Variants in USP34 observed in about 807,000 individuals in gnomAD.
USP34 encodes the protein ubiquitin carboxyl-terminal hydrolase 34.
A neutral mutation model predicts 460.3 loss-of-function variants in USP34; 70 were observed. The observed-to-expected ratio is 0.15, with a 90% confidence interval of 0.13 to 0.19. The LOEUF (loss-of-function observed/expected upper bound fraction) is 0.19. Among genes scored for constraint, USP34 ranks in the 10% least tolerant of loss-of-function variants. The pLI, the probability that USP34 is intolerant of heterozygous loss-of-function variation, is 1.00. For synonymous variants in USP34, 1,647 were observed against 1,405.3 expected (o/e 1.17, Z -3.85); for missense variants, 3,985 against 4,236.2 (o/e 0.94, Z 1.65).
intron 1 of USP34, among the ~76,000 whole-genome samples, chr2:61,465,774 G>C (rs1375512235): frequency 6.6e-6 from 1 of 151,788 alleles, no homozygotes; most frequent in Non-Finnish European, 1.5e-5. Flanking sequence ...TCAAGAGATC[G>C]AGACCATCCT....
chr2:61,306,928 C>G (rs1029050086), intron 27 of USP34, among the ~76,000 whole-genome samples: 6 of 152,120 alleles, frequency 3.9e-5, no homozygotes, highest in African/African-American at 1.4e-4. Context: ...GGATCTAGAA[C>G]TAGAAATACC....
intron 49 of USP34, among the ~76,000 whole-genome samples, chr2:61,247,735 T>G (rs1186653604): frequency 6.6e-6 from 1 of 152,188 alleles, no homozygotes; most frequent in African/African-American, 2.4e-5. Context: ...AAGTAGAATG[T>G]ATACATACAA....
intron 57 of USP34, among the ~76,000 whole-genome samples, chr2:61,233,722 G>A (rs1299286954): frequency 6.6e-6 from 1 of 152,036 alleles, no homozygotes; most frequent in Non-Finnish European, 1.5e-5. Context: ...CTACTCGGGA[G>A]GCTGAGGGAG....
chr2:61,451,774 G>A (rs1695285072), intron 1 of USP34, among the ~76,000 whole-genome samples: 1 of 151,772 alleles, frequency 6.6e-6, no homozygotes, highest in South Asian at 2.1e-4. Context: ...AAATCACTAA[G>A]TCATTGTTCA....
chr2:61,403,164 G>C (rs2103926764), intron 3 of USP34, among the ~76,000 whole-genome samples: 1 of 152,220 alleles, frequency 6.6e-6, no homozygotes. Context: ...AAAAACCACT[G>C]CTTTCAACCA....
intron 2 of USP34, among the ~76,000 whole-genome samples, chr2:61,419,990 A>G (rs971363465): frequency 6.6e-6 from 1 of 152,222 alleles, no homozygotes; most frequent in African/African-American, 2.4e-5. Context: ...GGAAAAAAGG[A>G]TATTACCATA....
chr2:61,208,585 A>C (rs193087045), intron 70 of USP34: 46 of 165,524 alleles, frequency 2.8e-4, no homozygotes, highest in Non-Finnish European at 3.8e-4. Flanking sequence ...TTGGGAAATT[A>C]TGTGTGCCCT....
At chr2:61,459,138 T>C (rs1039472381) in intron 1 of USP34, among the ~76,000 whole-genome samples, 73 of 152,290 alleles carry the variant, frequency 4.8e-4, no homozygotes, top group African/African-American at 1.7e-3. Context: ...CCTTTAATGG[T>C]TTCTTATGAG....
chr2:61,354,456 GT>G (rs1474824582), intron 10 of USP34, among the ~76,000 whole-genome samples: 1 of 152,190 alleles, frequency 6.6e-6, no homozygotes, highest in Non-Finnish European at 1.5e-5. Context: ...AGCTGAAGGA[GT>G]TTGTGACACT....
intron 10 of USP34, among the ~76,000 whole-genome samples, chr2:61,365,256 TACAC>T (rs34689463): frequency 0.12 from 16,796 of 142,200 alleles, 994 homozygotes; most frequent in Admixed American, 0.16. Flanking sequence ...CATTTCAAAA[TACAC>T]ACACACACAC....
At chr2:61,333,773 C>CA in intron 19 of USP34, 109 bp downstream of exon 19, 1 of 676,482 alleles carries the variant, frequency 1.5e-6, no homozygotes, top group Non-Finnish European at 2.2e-6. Context: ...ACATGAAACT[C>CA]AAATTTTCCT....
At chr2:61,362,627 T>C (rs1692309454) in intron 10 of USP34, among the ~76,000 whole-genome samples, 1 of 151,884 alleles carries the variant, frequency 6.6e-6, no homozygotes, top group Non-Finnish European at 1.5e-5. Flanking sequence ...AAGCGGAGAG[T>C]ACAGGAGGAG....
chr2:61,329,325 G>A (rs150953497), intron 20 of USP34, among the ~76,000 whole-genome samples: 28 of 152,102 alleles, frequency 1.8e-4, no homozygotes, highest in African/African-American at 6.5e-4. Flanking sequence ...CATGCCTGGT[G>A]ATCCTATGAT....
At position 61,428,263 on chromosome 2, in the gene USP34, A is replaced by T. The variant is rs1694568851; in HGVS notation, c.44-7430T>A. On this transcript the variant is annotated intron_variant, in intron 1 of 79. Coordinates refer to ENST00000398571, the MANE Select transcript of USP34 (RefSeq NM_014709.4). ...TTCTCAAAAAAAAAAAAAAAAAGTG[A>T]TCACCTTTGCAAATGTTAAATCAGT... Among the ~76,000 whole-genome samples, 3 of 150,966 alleles carry T rather than the reference A, an allele frequency of 2.0e-5. No individual in the cohort carries two copies. The South Asian group carries it at 6.3e-4, about 31-fold the overall frequency.
chr2:61,311,426 CA>C, intron 27 of USP34, 113 bp downstream of exon 27: 1 of 1,016,780 alleles, frequency 9.8e-7, no homozygotes, highest in Non-Finnish European at 1.3e-6. Context: ...ATGATATAAC[CA>C]AGAAAGAAAA....
At chr2:61,427,687 T>C (rs1364274730) in intron 1 of USP34, among the ~76,000 whole-genome samples, 1 of 152,182 alleles carries the variant, frequency 6.6e-6, no homozygotes, top group African/African-American at 2.4e-5. Context: ...AAAAACGCAA[T>C]TGGCATACTA....
At chr2:61,294,854 T>A in intron 32 of USP34, 95 bp downstream of exon 32, 1 of 964,320 alleles carries the variant, frequency 1.0e-6, no homozygotes, top group Middle Eastern at 3.2e-4. Context: ...AATAGTATAT[T>A]AGTTTAAAAT....
chr2:61,316,842 C>T (rs1451760832), intron 23 of USP34, among the ~76,000 whole-genome samples: 13 of 151,606 alleles, frequency 8.6e-5, no homozygotes, highest in African/African-American at 3.2e-4. Context: ...GCTGAGATCA[C>T]ACCACTGCAC....
chr2:61,378,511 G>T, intron 7 of USP34, 87 bp from the exon 8 acceptor site: 3 of 770,330 alleles, frequency 3.9e-6, no homozygotes, highest in South Asian at 1.8e-5. Context: ...TAAACTGATT[G>T]ACATATGTAG....
Sources: gnomAD v4.1 joint callset for allele counts (sites outside exome capture counted in the v4.1 genomes callset) on GRCh38, gnomAD v4.1.1 for gene constraint, MANE v1.5 for transcripts, NCBI Gene and HGNC (gene_info 2026-07-23, HGNC 2026-07-21) for gene names.